The following MECOM variants were observed in gnomAD, a reference collection of about 807,000 sequenced individuals.
MECOM encodes the protein histone-lysine N-methyltransferase MECOM.
In MECOM, 13 loss-of-function variants were observed where a neutral mutation model predicts 116.3. That is an observed-to-expected ratio of 0.11 (90% CI 0.07 to 0.18). The LOEUF (loss-of-function observed/expected upper bound fraction) is 0.18, where lower values mean the gene tolerates loss of function less well. Ranked by LOEUF, MECOM falls within the 10% of genes least tolerant of loss-of-function variation. The probability of loss-of-function intolerance (pLI) is 1.00; values close to 1 mark genes in which losing one functional copy is unlikely to be tolerated. For missense variants in MECOM, 1,299 were observed against 1,509.0 expected (o/e 0.86, Z 2.31); for synonymous variants, 528 against 535.2 (o/e 0.99, Z 0.19).
At position 169,565,840 on chromosome 3, in the gene MECOM, T is replaced by A. The variant is rs547020588; in HGVS notation, c.37+97496A>T. 3.2e-4 allele frequency: 117 copies of A among 366,028 alleles called. 1 individual carries two copies. The Middle Eastern group carries it at 5.0e-3, about 15-fold the overall frequency. 22.7% of individuals were successfully genotyped at this position (366,028 alleles called of 1,614,324 possible). A position where few individuals can be genotyped will look rare whatever the true frequency, so the allele number is the denominator to read the frequency against. On this transcript the variant is annotated intron_variant, in intron 1 of 16. Coordinates refer to ENST00000651503, the MANE Select transcript of MECOM (RefSeq NM_004991.4). The stretch of plus-strand genomic sequence containing the variant: ...TCTCCAACAGGGGCATATGAGGGAG[T>A]CAGGGAGGTTTGGCAGCCCCTAGCA...
intron 1 of MECOM, among the ~76,000 whole-genome samples, chr3:169,642,638 T>C (rs1773640662): frequency 6.6e-6 from 1 of 151,808 alleles, no homozygotes; most frequent in Admixed American, 6.6e-5. Context: ...AGGGCTCCAG[T>C]ACACTGAGTT....
intron 2 of MECOM, among the ~76,000 whole-genome samples, chr3:169,276,529 G>T (rs1267927447): frequency 6.8e-6 from 1 of 148,090 alleles, no homozygotes; most frequent in Non-Finnish European, 1.5e-5. Flanking sequence ...CTCCAGCCTG[G>T]GCAACAGACC....
At chr3:169,182,071 G>A (rs781462793) in intron 2 of MECOM, among the ~76,000 whole-genome samples, 10 of 152,174 alleles carry the variant, frequency 6.6e-5, no homozygotes, top group Admixed American at 3.9e-4. Context: ...GAATTATCTT[G>A]CTAGGTGCTA....
At chr3:169,362,861 T>C (rs1728528023) in intron 2 of MECOM, among the ~76,000 whole-genome samples, 1 of 152,002 alleles carries the variant, frequency 6.6e-6, no homozygotes, top group Non-Finnish European at 1.5e-5. Context: ...TGAGGAAACA[T>C]TAGACCTTTT....
rs537723729 is a variant in MECOM at position 169,170,338 on chromosome 3, C to T, written c.376-26506G>A. 1.7e-4 allele frequency among the ~76,000 whole-genome samples: 23 copies of T among 135,596 alleles called. No homozygotes were observed. In the East Asian group the frequency reaches 4.8e-3, roughly 28 times the overall value. 89.0% of individuals were successfully genotyped at this position (135,596 alleles called of 152,430 possible). On this transcript the variant is annotated intron_variant, in intron 2 of 16. Coordinates refer to ENST00000651503, the MANE Select transcript of MECOM (RefSeq NM_004991.4). ...AGGAGAATCCCCTGAACCCGGGAGG[C>T]GGAGGTTGCAGTGAGCCAAGATCGC...
intron 1 of MECOM, among the ~76,000 whole-genome samples, chr3:169,501,729 G>A (rs187607887): frequency 6.6e-6 from 1 of 152,162 alleles, no homozygotes; most frequent in Non-Finnish European, 1.5e-5. Context: ...TTCACTTTTG[G>A]CTCTCATTCA....
intron 2 of MECOM, among the ~76,000 whole-genome samples, chr3:169,192,857 C>T (rs998693248): frequency 6.6e-6 from 1 of 152,022 alleles, no homozygotes; most frequent in Non-Finnish European, 1.5e-5. Flanking sequence ...TCACACAAAA[C>T]ATAGAAGTGA....
chr3:169,473,443 T>C (rs747560209), intron 1 of MECOM, among the ~76,000 whole-genome samples: 15 of 152,188 alleles, frequency 9.9e-5, no homozygotes, highest in Non-Finnish European at 1.9e-4. Flanking sequence ...TTTCTTGCTG[T>C]CCTACAGGTT....
chr3:169,454,390 G>GA (rs35807490), intron 1 of MECOM, among the ~76,000 whole-genome samples: 46,684 of 111,660 alleles, frequency 0.42, 10,498 homozygotes, highest in Admixed American at 0.51. Context: ...TTTCTTTCAG[G>GA]AAAAAAAAAA....
chr3:169,621,303 T>A (rs780928890), intron 1 of MECOM, among the ~76,000 whole-genome samples: 2 of 152,202 alleles, frequency 1.3e-5, no homozygotes, highest in African/African-American at 4.8e-5. Context: ...ACCTGCCTCA[T>A]TGAGTTGTTG....
At chr3:169,165,169 A>G (rs79001099) in intron 2 of MECOM, among the ~76,000 whole-genome samples, 2,188 of 152,296 alleles carry the variant, frequency 0.014, 63 homozygotes, top group African/African-American at 0.05. Context: ...AAGATCTAAG[A>G]TTTCACCTCT....
chr3:169,498,366 A>G (rs182399221), intron 1 of MECOM, among the ~76,000 whole-genome samples: 40 of 152,316 alleles, frequency 2.6e-4, no homozygotes, highest in Admixed American at 2.2e-3. Flanking sequence ...AATGATTTTT[A>G]AAATATATGA....
chr3:169,276,877 A>G (rs146702425), intron 2 of MECOM, among the ~76,000 whole-genome samples: 1 of 152,270 alleles, frequency 6.6e-6, no homozygotes, highest in South Asian at 2.1e-4. Flanking sequence ...TCTAAAGTGC[A>G]TAGCAAGTGC....
At chr3:169,273,582 G>A (rs191084129) in intron 2 of MECOM, among the ~76,000 whole-genome samples, 5 of 152,264 alleles carry the variant, frequency 3.3e-5, no homozygotes, top group East Asian at 1.9e-4. Context: ...AGAAGGAGCC[G>A]GAGAGAAGGG....
chr3:169,652,325 C>T (rs1161602716), intron 1 of MECOM, among the ~76,000 whole-genome samples: 3 of 152,282 alleles, frequency 2.0e-5, no homozygotes, highest in East Asian at 1.9e-4. Flanking sequence ...TATCATGAAA[C>T]ATTTTATTAC....
chr3:169,326,986 A>G (rs1721940966), intron 2 of MECOM, among the ~76,000 whole-genome samples: 1 of 152,232 alleles, frequency 6.6e-6, no homozygotes, highest in South Asian at 2.1e-4. Flanking sequence ...GCCTACTTTC[A>G]ATAAACAGCT....
At chr3:169,344,240 T>A (rs909499326) in intron 2 of MECOM, among the ~76,000 whole-genome samples, 3 of 152,086 alleles carry the variant, frequency 2.0e-5, no homozygotes, top group African/African-American at 7.2e-5. Flanking sequence ...TATATGTGTT[T>A]TTTGTGTAAA....
At chr3:169,417,842 C>T (rs370190710) in intron 1 of MECOM, among the ~76,000 whole-genome samples, 111 of 152,032 alleles carry the variant, frequency 7.3e-4, no homozygotes, top group Non-Finnish European at 1.0e-3. Flanking sequence ...TCATTCTCAG[C>T]AAACTATCGC....
intron 2 of MECOM, among the ~76,000 whole-genome samples, chr3:169,249,042 C>G (rs1755932681): frequency 6.6e-6 from 1 of 152,198 alleles, no homozygotes; most frequent in African/African-American, 2.4e-5. Context: ...AAATGCCCTA[C>G]CTTCCAGCAT....
Sources: gnomAD v4.1 joint callset for allele counts (sites outside exome capture counted in the v4.1 genomes callset) on GRCh38, gnomAD v4.1.1 for gene constraint, MANE v1.5 for transcripts, NCBI Gene and HGNC (gene_info 2026-07-23, HGNC 2026-07-21) for gene names.